WDR45: variants seen among roughly 807,000 people sequenced by gnomAD.
The protein encoded by WDR45 is WD repeat domain phosphoinositide-interacting protein 4.
WDR45 carries 2 observed loss-of-function variants against 27.3 expected under a neutral mutation model. That is an observed-to-expected ratio of 0.07 (90% CI 0.03 to 0.23). The LOEUF (loss-of-function observed/expected upper bound fraction) is 0.23, where lower values mean the gene tolerates loss of function less well. Among genes scored for constraint, WDR45 ranks in the 10% least tolerant of loss-of-function variants. The pLI is 1.00. For missense variants in WDR45, 175 were observed against 311.9 expected (o/e 0.56, Z 3.31); for synonymous variants, 99 against 119.2 (o/e 0.83, Z 1.11).
intron 2 of WDR45, among the ~76,000 whole-genome samples, chrX:49,092,953 T>C (rs189386016): frequency 2.7e-5 from 3 of 111,822 alleles, no homozygotes; most frequent in East Asian, 5.6e-4. Context: ...TTTTGTTTTG[T>C]TTTTTAGAGG....
Position 49,075,239 on chromosome X carries a change from G to A in WDR45, c.870C>T (p.Tyr290=), listed in dbSNP as rs782557596. The change falls in exon 10 of 11, where the codon TAC becomes TAT. Residue 290 remains tyrosine, a synonymous_variant. Transcript: ENST00000376372. The part of the protein sequence containing the change: ...VGKVGPMIGQ[Y]VDSQWSLASF... ...TCGCCAGGCTCCACTGAGAGTCCAC[G>A]TACTGCCCAATCATAGGCCCCACCT... The A allele has an allele frequency of 1.1e-5, 13 of 1,210,573 alleles. No homozygotes were observed. The highest frequency in any genetic ancestry group is 8.9e-5 in the East Asian group (3 of 33,776).
chrX:49,090,247 A>G (rs782818049), intron 2 of WDR45, among the ~76,000 whole-genome samples: 1 of 111,046 alleles, frequency 9.0e-6, no homozygotes, highest in South Asian at 3.8e-4. Context: ...TATTTCTAGT[A>G]GAAACGGGAT....
At chrX:49,080,369 GA>G (rs1569523629), upstream of WDR45, 2 of 111,732 alleles carry the variant, frequency 1.8e-5, no homozygotes, top group Non-Finnish European at 3.8e-5. Flanking sequence ...GGAAGCCAAG[GA>G]ACAGATTTCG....
chrX:49,091,238 C>T (rs897186363), intron 2 of WDR45, among the ~76,000 whole-genome samples: 6 of 105,703 alleles, frequency 5.7e-5, no homozygotes, highest in Non-Finnish European at 7.8e-5. Context: ...CTCAGGAGTT[C>T]AAGACCAGCC....
At position 49,075,583 on chromosome X, in the gene WDR45, C is replaced by T; in HGVS notation, c.687G>A (p.Val229=). The T allele has an allele frequency of 8.3e-7, 1 of 1,211,892 alleles. No homozygotes were observed. Among genetic ancestry groups the T allele is most frequent in the Non-Finnish European group, 1.1e-6 (1 of 895,543 alleles). ...CAGGGTCAGTGCCTCGGCGCAGCTC[C>T]ACCAGTTTCTCCTTGGATTGTGTGT... is the stretch of plus-strand genomic sequence containing the variant. ...LFDTQSKEKL[V]ELRRGTDPAT... Residue 229 remains valine (V), a synonymous_variant, in exon 8 of 11, where the codon GTG becomes GTA. Transcript: ENST00000376372.
chrX:49,084,744 C>T (rs1455651499), upstream of WDR45, among the ~76,000 whole-genome samples: 1 of 109,766 alleles, frequency 9.1e-6, no homozygotes, highest in Non-Finnish European at 1.9e-5. Flanking sequence ...AAGTGATTCT[C>T]CTGCCTCAGC....
rs782454636 is a variant in WDR45, at chrX:49,075,706, G to A, written c.564C>T (p.Ile188=). The A allele has an allele frequency of 5.8e-6, 7 of 1,208,851 alleles. No homozygotes were observed. The Middle Eastern group carries it at 1.4e-3, about 237-fold the overall frequency. Residue 188 remains isoleucine (I), a synonymous_variant, in exon 8 of 11, where the codon ATC becomes ATT. Transcript: ENST00000376372. The part of the protein sequence containing the change: ...KPGTSSAPFT[I]NAHQSDIACV... ...AGGCTATGTCACTCTGATGTGCATT[G>A]ATCGTGAATGGAGCAGACGAGGTGC...
At chrX:49,094,152 A>G (rs1050903922) in intron 2 of WDR45, among the ~76,000 whole-genome samples, 11 of 110,723 alleles carry the variant, frequency 9.9e-5, no homozygotes, top group African/African-American at 3.6e-4. Flanking sequence ...CTGAACCTCT[A>G]TAAGGAGGCA....
chrX:49,090,145 C>A (rs2065099499), intron 2 of WDR45, among the ~76,000 whole-genome samples: 1 of 110,750 alleles, frequency 9.0e-6, no homozygotes, highest in South Asian at 3.8e-4. Flanking sequence ...CTCACTGCAA[C>A]CTCTGCCTCC....
intron 2 of WDR45, 44 bp from the exon 3 acceptor site, chrX:49,077,955 G>A (rs782508477): frequency 8.3e-7 from 1 of 1,207,240 alleles, no homozygotes; most frequent in East Asian, 3.0e-5. Flanking sequence ...GAATGCCCAG[G>A]TAGGAAGCTG....
At chrX:49,088,406 T>TCAA (rs1207203938) in intron 2 of WDR45, among the ~76,000 whole-genome samples, 5 of 111,115 alleles carry the variant, frequency 4.5e-5, no homozygotes, top group East Asian at 2.8e-4. Flanking sequence ...AAACTCCGTC[T>TCAA]CAACAACAAC....
At chrX:49,100,368 G>A (rs1176398880) in exon 2 of WDR45, 1 of 108,779 alleles carries the variant, frequency 9.2e-6, no homozygotes, top group African/African-American at 3.4e-5. Context: ...CTGAGTAGCT[G>A]GGACTACAGG....
At chrX:49,086,612 G>A (rs1187548211) in intron 2 of WDR45, among the ~76,000 whole-genome samples, 3 of 109,494 alleles carry the variant, frequency 2.7e-5, no homozygotes, top group East Asian at 2.9e-4. Flanking sequence ...TTTTTTCCCC[G>A]AGGCGGAGTC....
intron 2 of WDR45, among the ~76,000 whole-genome samples, chrX:49,088,907 G>A (rs1318589028): frequency 1.8e-5 from 2 of 112,053 alleles, no homozygotes; most frequent in Non-Finnish European, 3.8e-5. Flanking sequence ...AAAACAAACA[G>A]CAGCCACAAC....
intron 2 of WDR45, among the ~76,000 whole-genome samples, chrX:49,090,824 C>A (rs1217377012): frequency 3.6e-5 from 4 of 109,921 alleles, no homozygotes; most frequent in African/African-American, 1.3e-4. Flanking sequence ...AGGTGTGAGC[C>A]ACCGTAATCC....
At chrX:49,083,326 T>G (rs1436548641), upstream of WDR45, among the ~76,000 whole-genome samples, 3 of 102,904 alleles carry the variant, frequency 2.9e-5, no homozygotes, top group Non-Finnish European at 6.0e-5. Context: ...GTTTTTTTTT[T>G]TTTTTTTTTT....
At chrX:49,094,273 A>G (rs1469481958) in intron 2 of WDR45, among the ~76,000 whole-genome samples, 1 of 110,594 alleles carries the variant, frequency 9.0e-6, no homozygotes, top group Non-Finnish European at 1.9e-5. Context: ...GTTCGAGACC[A>G]GCCTGGCCAA....
chrX:49,100,079 C>T (rs2065140230), intron 2 of WDR45: 2 of 110,863 alleles, frequency 1.8e-5, no homozygotes, highest in African/African-American at 3.3e-5. Context: ...CAGCATGTGA[C>T]TCACCCCAGG....
Position 49,074,758 on chromosome X carries a change from C to T in WDR45, c.*45G>A, listed in dbSNP as rs782642138. The T allele has an allele frequency of 6.4e-6, 7 of 1,095,057 alleles. No individual in the cohort carries two copies. The highest frequency in any genetic ancestry group is 3.5e-4 in the Middle Eastern group (1 of 2,881). 90.2% of individuals were successfully genotyped at this position (1,095,057 alleles called of 1,213,427 possible). ...CACGCCCCACTGCCAAGGCTCAGCT[C>T]TGCAGTTCTGCCACTGCAGGTCCCT... On this transcript the variant is annotated 3_prime_UTR_variant, in exon 11 of 11. Transcript: ENST00000376372.
Sources: gnomAD v4.1 joint callset for allele counts (sites outside exome capture counted in the v4.1 genomes callset) on GRCh38, gnomAD v4.1.1 for gene constraint, MANE v1.5 for transcripts, NCBI Gene and HGNC (gene_info 2026-07-23, HGNC 2026-07-21) for gene names.